JRK: variants seen among roughly 807,000 people sequenced by gnomAD.
JRK encodes Jrk helix-turn-helix protein, also known as jerky protein homolog.
For missense variants in JRK, 720 were observed against 509.2 expected (o/e 1.41, Z -3.98); for synonymous variants, 303 against 218.1 (o/e 1.39, Z -3.43).
At chr8:142,647,297 TAAGAAAA>T in the JRK span, among the ~76,000 whole-genome samples, 3 of 151,820 alleles carry the variant, frequency 2.0e-5, no homozygotes, top group Non-Finnish European at 2.9e-5. Flanking sequence ...ATTTCCTCAT[TAAGAAAA>T]AATGAAGGGG....
rs782394438 is a variant in JRK, at chr8:142,664,499, G to A, written c.1560C>T (p.Ala520=). The A allele has an allele frequency of 1.3e-5, 21 of 1,609,750 alleles. No homozygotes were observed. The highest frequency in any genetic ancestry group is 1.7e-5 in the Non-Finnish European group (20 of 1,178,686). ...TCACCTGCTGCTGGCTCCGGAACAC[G>A]GCACGCAGCGCCCGCAGCTGCCCCA... ...QEVGQLRALR[A]VFRSQQQVRR... The change falls in exon 2 of 2, where the codon GCC becomes GCT. Residue 520 remains alanine, a synonymous_variant. Coordinates refer to ENST00000612905, the MANE Select transcript of JRK (RefSeq NM_003724.4).
In JRK at chr8:142,660,744, G is replaced by A. The variant is rs868963280; in HGVS notation, c.*3608C>T. ...ATGTGGGGCGTGAGGTGAGGTCCCT[G>A]AGGTGCAGTGTGGACGGGTCTTGAT... On this transcript the variant is annotated 3_prime_UTR_variant, in exon 2 of 2. Coordinates refer to ENST00000612905, the MANE Select transcript of JRK (RefSeq NM_003724.4). 5.1e-6 allele frequency: 5 copies of A among 985,386 alleles called. No individual in the cohort carries two copies. Among genetic ancestry groups the A allele is most frequent in the Admixed American group, 6.2e-5 (1 of 16,260 alleles). 61.0% of individuals were successfully genotyped at this position (985,386 alleles called of 1,614,324 possible).
chr8:142,661,319 A>C lies in JRK; in HGVS notation c.*3033T>G, dbSNP rs1291529214. On this transcript the variant is annotated 3_prime_UTR_variant, in exon 2 of 2. Coordinates refer to ENST00000612905, the MANE Select transcript of JRK (RefSeq NM_003724.4). ...ACCCATCCTAACCCCTGAATTCACC[A>C]TGCCACCCTGAAAGTATGGCCTCTC... 1 of 985,304 alleles carries C rather than the reference A, an allele frequency of 1.0e-6. No homozygotes were observed. The highest frequency in any genetic ancestry group is 1.7e-5 in the African/African-American group (1 of 57,226). 61.0% of individuals were successfully genotyped at this position (985,304 alleles called of 1,614,324 possible).
chr8:142,656,625 C>A (rs1485888355), downstream of JRK, among the ~76,000 whole-genome samples: 3 of 152,230 alleles, frequency 2.0e-5, no homozygotes, highest in African/African-American at 7.2e-5. Context: ...TGCCTTTCTC[C>A]ATCACTTCCA....
At chr8:142,669,197 T>TGTGTGTGTGTGTGC (rs1409456082) in intron 1 of JRK, among the ~76,000 whole-genome samples, 1 of 56,784 alleles carries the variant, frequency 1.8e-5, no homozygotes, top group African/African-American at 9.8e-5. Flanking sequence ...TGTGTGTGTG[T>TGTGTGTGTGTGTGC]GTGCGTGTGT....
rs782539510 is a variant in JRK, at chr8:142,664,923, C to A, written c.1136G>T (p.Arg379Met). 9.6e-6 allele frequency: 9 copies of A among 933,200 alleles called. No individual in the cohort carries two copies. Among genetic ancestry groups the A allele is most frequent in the African/African-American group, 1.6e-5 (1 of 61,894 alleles). 57.8% of individuals were successfully genotyped at this position (933,200 alleles called of 1,614,324 possible). A position where few individuals can be genotyped will look rare whatever the true frequency, so the allele number is the denominator to read the frequency against. ...AWNAVPSHVF[R>M]RAWRKLWPSV... ...CGGCCACAGCTTCCTCCAGGCCCGC[C>A]TGAAGACGTGGCTAGGGACTGCGTT... Residue 379 changes from arginine to methionine, a missense_variant, in exon 2 of 2, where the codon AGG becomes ATG. Coordinates refer to ENST00000612905, the MANE Select transcript of JRK (RefSeq NM_003724.4).
chr8:142,653,748 C>T (rs1263508344), downstream of JRK, among the ~76,000 whole-genome samples: 2 of 152,102 alleles, frequency 1.3e-5, no homozygotes, highest in African/African-American at 2.4e-5. Context: ...GTAGCTCTCA[C>T]CCAAAAGTGG....
chr8:142,663,814 T>C lies in JRK; in HGVS notation c.*538A>G, dbSNP rs1554634964. On this transcript the variant is annotated 3_prime_UTR_variant, in exon 2 of 2. Transcript: ENST00000612905. ...GTTCAGCCGCTAGCAGGCCAAGAACTGAGTCCCAGCTCTCGGGCCATCGGA... is the reference window on the plus strand; with the variant it reads ...GTTCAGCCGCTAGCAGGCCAAGAACCGAGTCCCAGCTCTCGGGCCATCGGA... 3.0e-6 allele frequency: 3 copies of C among 986,400 alleles called. No individual in the cohort carries two copies. Among genetic ancestry groups the C allele is most frequent in the Non-Finnish European group, 3.6e-6 (3 of 830,758 alleles). 61.1% of individuals were successfully genotyped at this position (986,400 alleles called of 1,614,324 possible).
At position 142,662,348 on chromosome 8, in the gene JRK, T is replaced by C. The variant is rs1453613567; in HGVS notation, c.*2004A>G. 20 of 985,456 alleles carry C rather than the reference T, an allele frequency of 2.0e-5. No individual in the cohort carries two copies. The Admixed American group carries it at 1.0e-3, about 51-fold the overall frequency. 61.0% of individuals were successfully genotyped at this position (985,456 alleles called of 1,614,324 possible). ...CCACCCACCCAGGATGTCCTACTGT[T>C]TCAGAGCCCTCGGGACATGTTCTAA... On this transcript the variant is annotated 3_prime_UTR_variant, in exon 2 of 2. Transcript: ENST00000612905.
intron 1 of JRK, among the ~76,000 whole-genome samples, chr8:142,667,969 C>T (rs1847185174): frequency 6.6e-6 from 1 of 152,250 alleles, no homozygotes; most frequent in African/African-American, 2.4e-5. Flanking sequence ...CTGCAATGCA[C>T]TTCACCCAGT....
In JRK at chr8:142,664,918, C is replaced by A. The variant is rs781872163; in HGVS notation, c.1141G>T (p.Ala381Ser). 1.9e-5 allele frequency: 19 copies of A among 975,404 alleles called. No individual in the cohort carries two copies. The highest frequency in any genetic ancestry group is 3.0e-5 in the Non-Finnish European group (18 of 602,218). 60.4% of individuals were successfully genotyped at this position (975,404 alleles called of 1,614,324 possible). A position where few individuals can be genotyped will look rare whatever the true frequency, so the allele number is the denominator to read the frequency against. ...ACCGACGGCCACAGCTTCCTCCAGG[C>A]CCGCCTGAAGACGTGGCTAGGGACT... Reference protein sequence around the residue: ...NAVPSHVFRRAWRKLWPSVAF... With the variant: ...NAVPSHVFRRSWRKLWPSVAF... The change falls in exon 2 of 2, where the codon GCC becomes TCC. Residue 381 changes from alanine to serine, a missense_variant. Coordinates refer to ENST00000612905, the MANE Select transcript of JRK (RefSeq NM_003724.4).
rs1214698005 is a variant in JRK at position 142,661,310 on chromosome 8, G to A, written c.*3042C>T. 5.8e-5 allele frequency: 57 copies of A among 985,300 alleles called. 1 individual carries two copies. The highest frequency in any genetic ancestry group is 6.4e-5 in the Non-Finnish European group (53 of 829,956). The allele number at this position is 985,300 out of a possible 1,614,324, so 61.0% of individuals were successfully genotyped here. ...AGACCACCTACCCATCCTAACCCCTGAATTCACCATGCCACCCTGAAAGTA... is the reference window on the plus strand; with the variant it reads ...AGACCACCTACCCATCCTAACCCCTAAATTCACCATGCCACCCTGAAAGTA... On this transcript the variant is annotated 3_prime_UTR_variant, in exon 2 of 2. Coordinates refer to ENST00000612905, the MANE Select transcript of JRK (RefSeq NM_003724.4).
downstream of JRK, among the ~76,000 whole-genome samples, chr8:142,656,802 T>C (rs966990483): frequency 6.6e-6 from 1 of 152,176 alleles, no homozygotes; most frequent in African/African-American, 2.4e-5. Context: ...AGCTGAGCGT[T>C]TGGTGGGAGG....
intron 1 of JRK, among the ~76,000 whole-genome samples, chr8:142,669,173 T>A (rs924928036): frequency 9.7e-6 from 1 of 103,416 alleles, no homozygotes; most frequent in African/African-American, 4.3e-5. Flanking sequence ...AGTGTGTGTG[T>A]GTGTGTGTGT....
chr8:142,653,339 G>A (rs1295770474), downstream of JRK, among the ~76,000 whole-genome samples: 2 of 152,142 alleles, frequency 1.3e-5, no homozygotes, highest in Non-Finnish European at 2.9e-5. Flanking sequence ...AATTACTCCT[G>A]CAGATAACAT....
Position 142,659,308 on chromosome 8 carries a change from G to A in JRK, c.*5044C>T. The A allele has an allele frequency of 9.8e-7, 1 of 1,020,874 alleles. No homozygotes were observed. Among genetic ancestry groups the A allele is most frequent in the Non-Finnish European group, 1.2e-6 (1 of 851,694 alleles). The allele number at this position is 1,020,874 out of a possible 1,614,324, so 63.2% of individuals were successfully genotyped here. A position where few individuals can be genotyped will look rare whatever the true frequency, so the allele number is the denominator to read the frequency against. ...CCAGGGCAAGACGCCTGACCCCAGA[G>A]CAGACCATGCTGACACTGGGCAACA... On this transcript the variant is annotated 3_prime_UTR_variant, in exon 2 of 2. Transcript: ENST00000612905.
the JRK span, among the ~76,000 whole-genome samples, chr8:142,651,049 C>T: frequency 9.5e-4 from 144 of 151,804 alleles, no homozygotes; most frequent in African/African-American, 3.4e-3. Flanking sequence ...TTAGGTCCCC[C>T]GTGCAGCAGA....
In JRK at chr8:142,664,704, G is replaced by A. The variant is rs782327302; in HGVS notation, c.1355C>T (p.Pro452Leu). Residue 452 changes from proline to leucine, a missense_variant, in exon 2 of 2, where the codon CCC (proline) becomes CTC (leucine). Physicochemically the swap from Pro to Leu is moderately conservative, Grantham distance 98. Transcript: ENST00000612905. The stretch of plus-strand genomic sequence containing the variant: ...CTCTGCTGGCGACGTGGCAGCAGGG[G>A]GCCGTCCCCCTTCTGCCTCCCTTCC... The part of the protein sequence containing the change: ...VAGREAEGGR[P>L]PAATSPAEVV... 31 of 1,607,678 alleles carry A rather than the reference G, an allele frequency of 1.9e-5. No homozygotes were observed. The highest frequency in any genetic ancestry group is 2.5e-5 in the Non-Finnish European group (30 of 1,177,754).
At chr8:142,653,043 G>A (rs946407177), downstream of JRK, among the ~76,000 whole-genome samples, 15 of 152,222 alleles carry the variant, frequency 9.9e-5, no homozygotes, top group African/African-American at 3.6e-4. Flanking sequence ...CCATGGTGAA[G>A]AGACCTCTGC....
Sources: allele counts gnomAD v4.1 joint callset (sites outside exome capture counted in the v4.1 genomes callset), GRCh38; gene constraint gnomAD v4.1.1; transcripts MANE v1.5; gene names NCBI Gene and HGNC (gene_info 2026-07-23, HGNC 2026-07-21).